The following ROCK1 variants were observed in gnomAD, a reference collection of about 807,000 sequenced individuals.
The protein encoded by ROCK1 is rho-associated protein kinase 1.
A neutral mutation model predicts 196.8 loss-of-function variants in ROCK1; 36 were observed. That is an observed-to-expected ratio of 0.18 (90% CI 0.14 to 0.24). The LOEUF is 0.24. Among genes scored for constraint, ROCK1 ranks in the 10% least tolerant of loss-of-function variants. The probability of loss-of-function intolerance (pLI) is 1.00; values close to 1 mark genes in which losing one functional copy is unlikely to be tolerated. For missense variants in ROCK1, 920 were observed against 1,562.0 expected (o/e 0.59, Z 6.93); for synonymous variants, 443 against 515.9 (o/e 0.86, Z 1.91).
chr18:21,036,394 G>A (rs1474363729), intron 9 of ROCK1, among the ~76,000 whole-genome samples: 1 of 152,148 alleles, frequency 6.6e-6, no homozygotes, highest in Non-Finnish European at 1.5e-5. Flanking sequence ...TTTCAAATGA[G>A]ATAATAATAT....
intron 22 of ROCK1, among the ~76,000 whole-genome samples, chr18:20,979,056 C>G (rs1415903461): frequency 1.3e-5 from 2 of 152,156 alleles, no homozygotes; most frequent in African/African-American, 2.4e-5. Flanking sequence ...CGCCTGTCAG[C>G]TGAATTCTAA....
chr18:21,023,182 C>A (rs1394023790), intron 11 of ROCK1, among the ~76,000 whole-genome samples: 1 of 151,956 alleles, frequency 6.6e-6, no homozygotes. Context: ...GATGGCTGCA[C>A]AACTATGTGA....
At chr18:21,002,433 T>C (rs2035732865) in intron 16 of ROCK1, among the ~76,000 whole-genome samples, 1 of 152,190 alleles carries the variant, frequency 6.6e-6, no homozygotes, top group Non-Finnish European at 1.5e-5. Context: ...TTCACAAATA[T>C]ATTTTAAAAA....
At chr18:21,067,829 A>C (rs2036349686) in intron 2 of ROCK1, among the ~76,000 whole-genome samples, 3 of 152,202 alleles carry the variant, frequency 2.0e-5, no homozygotes, top group Non-Finnish European at 4.4e-5. Flanking sequence ...TGAAGATTTC[A>C]ACCTATGTTT....
chr18:21,049,523 A>G (rs1454496576), intron 3 of ROCK1, among the ~76,000 whole-genome samples: 1 of 152,152 alleles, frequency 6.6e-6, no homozygotes, highest in Non-Finnish European at 1.5e-5. Context: ...GTTCTACAGC[A>G]TTTTAGTCTA....
chr18:21,083,818 TTAG>T (rs1442471924), intron 1 of ROCK1, among the ~76,000 whole-genome samples: 1 of 152,188 alleles, frequency 6.6e-6, no homozygotes. Context: ...CAGCAGGCTA[TTAG>T]TAGTTAAGTT....
intron 2 of ROCK1, among the ~76,000 whole-genome samples, chr18:21,059,576 G>A (rs1309338644): frequency 1.3e-5 from 2 of 152,068 alleles, no homozygotes; most frequent in Non-Finnish European, 2.9e-5. Context: ...CAACAGAAAA[G>A]CCATATATAT....
At chr18:21,045,158 CAG>C in intron 5 of ROCK1, 132 bp downstream of exon 5, 2 of 749,406 alleles carry the variant, frequency 2.7e-6, no homozygotes, top group Non-Finnish European at 4.0e-6. Context: ...AGCGCCTGGC[CAG>C]AGTCTTGAGT....
chr18:21,087,989 T>G (rs1396730255), intron 1 of ROCK1, among the ~76,000 whole-genome samples: 1 of 152,152 alleles, frequency 6.6e-6, no homozygotes, highest in African/African-American at 2.4e-5. Context: ...ATGTACAAAC[T>G]ACAATAAATA....
rs2035934292 is a variant in ROCK1 at position 21,023,754 on chromosome 18, T to C, written c.1212-74A>G. On this transcript the variant is annotated intron_variant, in intron 10 of 32. Transcript: ENST00000399799. The stretch of plus-strand genomic sequence containing the variant: ...ATATCCCATGACAACCAATAATAAA[T>C]ACTACACGCCTATTTTATGTTCAGT... 7 of 716,106 alleles carry C rather than the reference T, an allele frequency of 9.8e-6. No individual in the cohort carries two copies. The Middle Eastern group carries it at 1.7e-3, about 172-fold the overall frequency. The allele number at this position is 716,106 out of a possible 1,614,324, so 44.4% of individuals were successfully genotyped here. A position where few individuals can be genotyped will look rare whatever the true frequency, so the allele number is the denominator to read the frequency against.
At chr18:21,031,945 G>A (rs1225120513) in intron 9 of ROCK1, among the ~76,000 whole-genome samples, 1 of 152,080 alleles carries the variant, frequency 6.6e-6, no homozygotes, top group African/African-American at 2.4e-5. Flanking sequence ...GGAACAGAAA[G>A]AAAAAGGATG....
chr18:21,055,033 C>T (rs2036235182), intron 2 of ROCK1, among the ~76,000 whole-genome samples: 1 of 152,132 alleles, frequency 6.6e-6, no homozygotes, highest in South Asian at 2.1e-4. Flanking sequence ...CCTCTTTTTC[C>T]TACCTAGCCA....
chr18:20,977,611 G>T (rs887934424), intron 22 of ROCK1, among the ~76,000 whole-genome samples: 1 of 152,182 alleles, frequency 6.6e-6, no homozygotes, highest in Non-Finnish European at 1.5e-5. Flanking sequence ...TTGGATAGCT[G>T]CACAAAGCAC....
At chr18:21,070,638 T>C in intron 1 of ROCK1, 25 bp from the exon 2 acceptor site, 1 of 1,511,882 alleles carries the variant, frequency 6.6e-7, no homozygotes, top group Non-Finnish European at 9.1e-7. Context: ...AAACAATGGT[T>C]AGTTTTTTGG....
intron 1 of ROCK1, among the ~76,000 whole-genome samples, chr18:21,103,450 A>C (rs975509095): frequency 6.6e-6 from 1 of 151,714 alleles, no homozygotes; most frequent in African/African-American, 2.4e-5. Flanking sequence ...TTGTTTAATA[A>C]ATTTTATTTT....
chr18:21,089,052 C>CT (rs75429805), intron 1 of ROCK1, among the ~76,000 whole-genome samples: 31 of 147,788 alleles, frequency 2.1e-4, no homozygotes, highest in South Asian at 1.1e-3. Context: ...TTTATTAAAA[C>CT]TTTTTTTTTT....
intron 10 of ROCK1, among the ~76,000 whole-genome samples, chr18:21,025,792 G>A (rs1247871556): frequency 6.6e-6 from 1 of 152,080 alleles, no homozygotes; most frequent in Non-Finnish European, 1.5e-5. Flanking sequence ...CCGTACCTTT[G>A]CCTGTTCAGG....
intron 18 of ROCK1, among the ~76,000 whole-genome samples, chr18:20,989,194 T>C (rs764597789): frequency 6.6e-6 from 1 of 152,216 alleles, no homozygotes; most frequent in Non-Finnish European, 1.5e-5. Flanking sequence ...AAGATGATGA[T>C]GTGATGTTCA....
chr18:21,001,538 CAGG>C, intron 16 of ROCK1, among the ~76,000 whole-genome samples: 1 of 152,240 alleles, frequency 6.6e-6, no homozygotes, highest in Admixed American at 6.5e-5. Flanking sequence ...GAGGCTGAGG[CAGG>C]CAGATCACGA....
Sources: gnomAD v4.1 joint callset for allele counts (sites outside exome capture counted in the v4.1 genomes callset) on GRCh38, gnomAD v4.1.1 for gene constraint, MANE v1.5 for transcripts, NCBI Gene and HGNC (gene_info 2026-07-23, HGNC 2026-07-21) for gene names.